SPIDR: variants seen among roughly 807,000 people sequenced by gnomAD.
SPIDR encodes DNA repair-scaffolding protein.
A neutral mutation model predicts 104.6 loss-of-function variants in SPIDR; 93 were observed. The observed-to-expected ratio is 0.89, with a 90% CI of 0.75 to 1.06. The LOEUF (loss-of-function observed/expected upper bound fraction) is 1.06, where lower values mean the gene tolerates loss of function less well. Among genes scored for constraint, SPIDR ranks in the 50% least tolerant of loss-of-function variants. The probability of loss-of-function intolerance (pLI) is 0.00; values close to 1 mark genes in which losing one functional copy is unlikely to be tolerated. For missense variants in SPIDR, 1,154 were observed against 1,111.2 expected (o/e 1.04, Z -0.55); for synonymous variants, 431 against 416.9 (o/e 1.03, Z -0.41).
intron 10 of SPIDR, chr8:47,673,344 T>C: frequency 2.2e-6 from 1 of 452,944 alleles, no homozygotes; most frequent in Non-Finnish European, 4.4e-6. Flanking sequence ...TTATTGTTGT[T>C]CTTATCGTAA....
At chr8:47,346,269 T>C (rs1189085214) in intron 5 of SPIDR, among the ~76,000 whole-genome samples, 1 of 152,256 alleles carries the variant, frequency 6.6e-6, no homozygotes, top group Non-Finnish European at 1.5e-5. Context: ...ATTACGTTTA[T>C]TGATTTGCGT....
At chr8:47,515,914 A>G (rs1054776480) in intron 8 of SPIDR, among the ~76,000 whole-genome samples, 1 of 152,234 alleles carries the variant, frequency 6.6e-6, no homozygotes, top group South Asian at 2.1e-4. Context: ...GGTTCAAGCG[A>G]TTCTCCTGCC....
chr8:47,628,300 A>C (rs773502651), intron 10 of SPIDR, among the ~76,000 whole-genome samples: 1 of 152,204 alleles, frequency 6.6e-6, no homozygotes, highest in Non-Finnish European at 1.5e-5. Flanking sequence ...TCATCATCTT[A>C]TGGGGATAGA....
At position 47,575,169 on chromosome 8, in the gene SPIDR, G is replaced by C. The variant is rs551009607; in HGVS notation, c.1098-20642G>C. ...TTATTCTGACCCCTGCTTGTCTTGG[G>C]AATTGCCACTTCATCTTTTTGTTTC... On this transcript the variant is annotated intron_variant, in intron 8 of 19. Transcript: ENST00000297423. Among the ~76,000 whole-genome samples the C allele has an allele frequency of 2.6e-5, 4 of 152,156 alleles. No homozygotes were observed. In the South Asian group the frequency reaches 8.3e-4, roughly 32 times the overall value.
chr8:47,470,163 T>C (rs2075467877), intron 8 of SPIDR, among the ~76,000 whole-genome samples: 1 of 152,186 alleles, frequency 6.6e-6, no homozygotes, highest in Non-Finnish European at 1.5e-5. Context: ...AATATAAATC[T>C]ACAGCAATTA....
chr8:47,677,076 C>T (rs1209638249), intron 11 of SPIDR, among the ~76,000 whole-genome samples: 2 of 152,198 alleles, frequency 1.3e-5, no homozygotes, highest in East Asian at 1.9e-4. Flanking sequence ...GTATGCTCAC[C>T]GCAGAACATG....
chr8:47,667,440 GAAAAAAAAAA>G (rs528607871), intron 10 of SPIDR, among the ~76,000 whole-genome samples: 4 of 52,634 alleles, frequency 7.6e-5, no homozygotes, highest in South Asian at 6.9e-4. Context: ...CTTCAAAAGG[GAAAAAAAAAA>G]AAAAAAAAAA....
intron 5 of SPIDR, among the ~76,000 whole-genome samples, chr8:47,347,881 G>A (rs1474044015): frequency 1.3e-5 from 2 of 152,170 alleles, no homozygotes; most frequent in African/African-American, 4.8e-5. Flanking sequence ...ACAGCACACT[G>A]ATGGGTCCTG....
Position 47,673,743 on chromosome 8 carries a change from G to T in SPIDR, c.1545-58G>T, listed in dbSNP as rs749618636. ...TTATAATGAAGAAGAGGGAAATCTT[G>T]ATCTCTGTATTAATCCAAACTGCCT... On this transcript the variant is annotated intron_variant, in intron 10 of 19. Transcript: ENST00000297423. 5 of 1,601,626 alleles carry T rather than the reference G, an allele frequency of 3.1e-6. No homozygotes were observed. In the South Asian group the frequency reaches 5.5e-5, roughly 18 times the overall value.
chr8:47,557,284 G>A (rs1170722722), intron 8 of SPIDR, among the ~76,000 whole-genome samples: 1 of 152,174 alleles, frequency 6.6e-6, no homozygotes, highest in Non-Finnish European at 1.5e-5. Flanking sequence ...GGTAGTCAAT[G>A]CGGCAGGCGT....
At chr8:47,522,494 G>A (rs2084319101) in intron 8 of SPIDR, among the ~76,000 whole-genome samples, 2 of 152,162 alleles carry the variant, frequency 1.3e-5, no homozygotes, top group South Asian at 4.1e-4. Flanking sequence ...AATGGGAAGG[G>A]CCTGTGAGCT....
intron 8 of SPIDR, among the ~76,000 whole-genome samples, chr8:47,445,393 A>G (rs1183112164): frequency 6.6e-6 from 1 of 152,306 alleles, no homozygotes; most frequent in East Asian, 1.9e-4. Context: ...AACTTAATTG[A>G]TAAATACTGT....
At chr8:47,722,543 A>T (rs1345498183) in intron 16 of SPIDR, among the ~76,000 whole-genome samples, 1 of 152,210 alleles carries the variant, frequency 6.6e-6, no homozygotes, top group Non-Finnish European at 1.5e-5. Context: ...GGAAGAAAAT[A>T]ATATTAGCTC....
chr8:47,352,635 T>TAA (rs1247687240), intron 5 of SPIDR, among the ~76,000 whole-genome samples: 3 of 152,170 alleles, frequency 2.0e-5, no homozygotes, highest in African/African-American at 7.2e-5. Context: ...GAGTATGAGG[T>TAA]GGTTGTGAAC....
At chr8:47,601,186 G>A (rs2062232037) in intron 10 of SPIDR, among the ~76,000 whole-genome samples, 1 of 152,094 alleles carries the variant, frequency 6.6e-6, no homozygotes, top group Admixed American at 6.5e-5. Flanking sequence ...ACAACATCCA[G>A]TTATTCAGAG....
intron 10 of SPIDR, among the ~76,000 whole-genome samples, chr8:47,603,678 G>A (rs1297956927): frequency 1.3e-5 from 2 of 151,870 alleles, no homozygotes; most frequent in African/African-American, 2.4e-5. Context: ...GACTACAGGC[G>A]TGAGCCACCA....
In SPIDR at chr8:47,396,559, A is replaced by G. The variant is rs1369456347; in HGVS notation, c.709A>G (p.Thr237Ala). The G allele has an allele frequency of 1.2e-5, 19 of 1,614,050 alleles. No homozygotes were observed. The highest frequency in any genetic ancestry group is 1.5e-5 in the Non-Finnish European group (18 of 1,180,022). ...AAAATCAACAGAGACCATTTTGCAT[A>G]CACCTCAGAAACCCACAGCTAAGTT... ...RTKSTETILH[T>A]PQKPTAKFPR... Residue 237 changes from threonine (T) to alanine (A), a missense_variant, in exon 6 of 20, where the codon ACA becomes GCA. Transcript: ENST00000297423.
chr8:47,653,046 TC>T (rs2071976301), intron 10 of SPIDR, among the ~76,000 whole-genome samples: 1 of 152,160 alleles, frequency 6.6e-6, no homozygotes, highest in South Asian at 2.1e-4. Context: ...GCAACTGTCT[TC>T]TCATTCTCCT....
At chr8:47,289,891 CTA>C (rs1288167436) in intron 3 of SPIDR, among the ~76,000 whole-genome samples, 2 of 152,072 alleles carry the variant, frequency 1.3e-5, no homozygotes, top group African/African-American at 4.8e-5. Context: ...ATTAAACAAA[CTA>C]TGGTGCATAG....
Sources: gnomAD v4.1 joint callset for allele counts (sites outside exome capture counted in the v4.1 genomes callset) on GRCh38, gnomAD v4.1.1 for gene constraint, MANE v1.5 for transcripts, NCBI Gene and HGNC (gene_info 2026-07-23, HGNC 2026-07-21) for gene names.